The following LRRC37B variants were observed in gnomAD, a reference collection of about 807,000 sequenced individuals.
LRRC37B encodes the protein leucine rich repeat containing 37B, also known as leucine-rich repeat-containing protein 37B.
In LRRC37B, 28 loss-of-function variants were observed where a neutral mutation model predicts 98.3. The ratio of observed to expected loss-of-function variants is 0.28; its 90% CI spans 0.21 to 0.39. LRRC37B has a LOEUF of 0.39. Ranked by LOEUF, LRRC37B falls within the 10% of genes least tolerant of loss-of-function variation. The pLI is 1.00. For synonymous variants in LRRC37B, 364 were observed against 442.7 expected (o/e 0.82, Z 2.23); for missense variants, 938 against 1,182.7 (o/e 0.79, Z 3.03).
intron 1 of LRRC37B, among the ~76,000 whole-genome samples, chr17:32,012,145 A>G (rs1910538169): frequency 6.6e-6 from 1 of 152,204 alleles, no homozygotes. Context: ...ATAAGTAATA[A>G]TTAGGTCAAG....
chr17:32,052,515 G>A (rs527248526), intron 11 of LRRC37B: 3 of 152,110 alleles, frequency 2.0e-5, no homozygotes, highest in Non-Finnish European at 4.4e-5. Context: ...CTGCATGCAA[G>A]ACCCTAAGTT....
At chr17:32,020,838 C>G (rs1012247141), upstream of LRRC37B, 7 of 816,038 alleles carry the variant, frequency 8.6e-6, 1 homozygote, top group Non-Finnish European at 3.6e-6. Flanking sequence ...CTGCCGTGCC[C>G]CCACCCCACC....
exon 1 of LRRC37B, chr17:32,021,784 C>A (rs1910798191): frequency 6.2e-7 from 1 of 1,614,210 alleles, no homozygotes; most frequent in East Asian, 2.2e-5. Context: ...CACCAATTAT[C>A]CAAACCTCAG....
chr17:32,050,404 G>A (rs1025840470), intron 11 of LRRC37B: 5 of 282,088 alleles, frequency 1.8e-5, no homozygotes, highest in South Asian at 3.6e-5. Flanking sequence ...ACAATTGGAT[G>A]TACTCACTGA....
intron 7 of LRRC37B, chr17:32,040,261 C>A (rs1911384752): frequency 1.2e-5 from 3 of 257,090 alleles, no homozygotes; most frequent in Non-Finnish European, 2.3e-5. Context: ...TTAAAACAAT[C>A]CTGCGAACAG....
intron 1 of LRRC37B, among the ~76,000 whole-genome samples, chr17:32,013,433 G>A (rs2142235678): frequency 6.6e-6 from 1 of 152,074 alleles, no homozygotes; most frequent in Middle Eastern, 3.4e-3. Context: ...CTGGATTTAG[G>A]TTTCCTATTT....
At chr17:32,008,057 G>T in exon 1 of LRRC37B, 1 of 511,002 alleles carries the variant, frequency 2.0e-6, no homozygotes, top group South Asian at 1.9e-5. Flanking sequence ...CGATGACTCC[G>T]ATTATCCGGA....
chr17:32,024,250 G>C (rs1180708283), intron 1 of LRRC37B, among the ~76,000 whole-genome samples: 2 of 152,128 alleles, frequency 1.3e-5, no homozygotes, highest in African/African-American at 4.8e-5. Context: ...GTTGTAATAA[G>C]AGTGGAAAGA....
At chr17:32,026,212 C>G (rs1217326396) in intron 2 of LRRC37B, among the ~76,000 whole-genome samples, 4 of 152,174 alleles carry the variant, frequency 2.6e-5, no homozygotes, top group Non-Finnish European at 5.9e-5. Flanking sequence ...TACATGAGTT[C>G]TAAATTAAAA....
chr17:32,008,068 G>T lies in LRRC37B; in HGVS notation c.-255G>T. 1 of 500,742 alleles carries T rather than the reference G, an allele frequency of 2.0e-6. No homozygotes were observed. Among genetic ancestry groups the T allele is most frequent in the Non-Finnish European group, 3.9e-6 (1 of 258,138 alleles). 31.0% of individuals were successfully genotyped at this position (500,742 alleles called of 1,614,324 possible). A position where few individuals can be genotyped will look rare whatever the true frequency, so the allele number is the denominator to read the frequency against. On this transcript the variant is annotated 5_prime_UTR_variant, in exon 1 of 15. It adds an upstream start codon to the 5' untranslated region. Coordinates refer to the LRRC37B transcript ENST00000543378. ...ACGACGATGACTCCGATTATCCGGA[G>T]GAGCTGGAAGATGACGACGAGGACG...
chr17:32,025,922 A>G (rs887126129), intron 2 of LRRC37B, among the ~76,000 whole-genome samples: 8 of 152,236 alleles, frequency 5.3e-5, no homozygotes, highest in African/African-American at 1.9e-4. Context: ...TGTTGAAGTT[A>G]TGGATGAATA....
At chr17:32,013,641 A>T (rs1164427925) in intron 1 of LRRC37B, among the ~76,000 whole-genome samples, 2 of 152,046 alleles carry the variant, frequency 1.3e-5, no homozygotes, top group Non-Finnish European at 2.9e-5. Flanking sequence ...TTTTACCTCT[A>T]AATACAACGT....
At chr17:32,049,476 G>A (rs966757035) in intron 10 of LRRC37B, 82 bp downstream of exon 13, 14 of 1,444,426 alleles carry the variant, frequency 9.7e-6, no homozygotes, top group Admixed American at 9.6e-5. Flanking sequence ...GGAGAACCTG[G>A]GACTCCCAGG....
chr17:32,007,678 G>A (rs1910440936), upstream of LRRC37B, among the ~76,000 whole-genome samples: 1 of 150,878 alleles, frequency 6.6e-6, no homozygotes, highest in Non-Finnish European at 1.5e-5. The surrounding 1 kb of genome is among the most constrained non-coding windows in gnomAD (Gnocchi z 4.1). Flanking sequence ...CCCCGGCCCC[G>A]CCGCCGCCGC....
Position 32,049,094 on chromosome 17 carries a change from G to A in LRRC37B, c.2465-8G>A, listed in dbSNP as rs373837853. 9,816 of 1,613,522 alleles carry A rather than the reference G, an allele frequency of 6.1e-3. 530 individuals carry two copies. In the African/African-American group the frequency reaches 0.11, roughly 19 times the overall value. ...AAAGCTTCAATTACCCATTGCTCTC[G>A]TCCCCAGGTGATCAGCTTGAAATTC... On this transcript the variant is annotated splice_region_variant and splice_polypyrimidine_tract_variant and intron_variant, in intron 9 of 11. Transcript: ENST00000327564.
intron 6 of LRRC37B, 137 bp downstream of exon 9, chr17:32,035,118 C>T (rs979644935): frequency 8.4e-5 from 55 of 654,460 alleles, no homozygotes; most frequent in Admixed American, 1.3e-4. Context: ...AAGTTATTGG[C>T]AAAGAAAAGG....
intron 3 of LRRC37B, among the ~76,000 whole-genome samples, chr17:32,029,536 G>A (rs894551430): frequency 1.3e-5 from 2 of 152,154 alleles, no homozygotes; most frequent in African/African-American, 4.8e-5. Context: ...GACCCAGGAA[G>A]CTGTTACTAG....
chr17:32,027,314 T>C (rs1341009569), intron 2 of LRRC37B, among the ~76,000 whole-genome samples: 1 of 152,084 alleles, frequency 6.6e-6, no homozygotes, highest in Non-Finnish European at 1.5e-5. Context: ...TGGAGCAGTG[T>C]GCTTGTGTGT....
chr17:32,022,931 A>G (rs1279892786), intron 1 of LRRC37B, 106 bp downstream of exon 4: 2 of 1,093,856 alleles, frequency 1.8e-6, no homozygotes, highest in Non-Finnish European at 1.4e-6. Flanking sequence ...CATACTGACA[A>G]GTGACTTTCT....
Sources: gnomAD v4.1 joint callset for allele counts (sites outside exome capture counted in the v4.1 genomes callset) on GRCh38, gnomAD v4.1.1 for gene constraint, Gnocchi (gnomAD v3.1) non-coding constraint, MANE v1.5 for transcripts, NCBI Gene and HGNC (gene_info 2026-07-23, HGNC 2026-07-21) for gene names.